APAF1: variants seen among roughly 807,000 people sequenced by gnomAD.
APAF1 encodes the protein apoptotic peptidase activating factor 1, also known as apoptotic protease-activating factor 1.
APAF1 carries 91 observed loss-of-function variants against 152.4 expected under a neutral mutation model. The observed-to-expected ratio is 0.60, with a 90% confidence interval of 0.50 to 0.71. APAF1 has a LOEUF of 0.71. Among genes scored for constraint, APAF1 ranks in the 30% least tolerant of loss-of-function variants. The pLI is 0.00. For synonymous variants in APAF1, 484 were observed against 494.1 expected (o/e 0.98, Z 0.27); for missense variants, 1,283 against 1,472.0 (o/e 0.87, Z 2.10).
At chr12:98,688,538 C>G (rs2097700499) in intron 16 of APAF1, among the ~76,000 whole-genome samples, 1 of 145,940 alleles carries the variant, frequency 6.9e-6, no homozygotes, top group Non-Finnish European at 1.5e-5. Flanking sequence ...GTGGTACCAT[C>G]ATGGCTCACT....
At chr12:98,694,345 T>C (rs1286575322) in intron 16 of APAF1, among the ~76,000 whole-genome samples, 1 of 152,146 alleles carries the variant, frequency 6.6e-6, no homozygotes, top group Non-Finnish European at 1.5e-5. Flanking sequence ...TACAGAATGG[T>C]GGCTTCTTTC....
At chr12:98,677,669 C>A in intron 13 of APAF1, 118 bp downstream of exon 13, 1 of 1,180,658 alleles carries the variant, frequency 8.5e-7, no homozygotes, top group Non-Finnish European at 1.2e-6. Context: ...CAGAGGAATC[C>A]AGCTCTCTTG....
chr12:98,649,434 A>G, intron 3 of APAF1, 53 bp from the exon 4 acceptor site: 1 of 1,578,102 alleles, frequency 6.3e-7, no homozygotes. Context: ...GTATTACTTC[A>G]GTAATTATTC....
At chr12:98,666,981 C>T (rs2097673701) in intron 9 of APAF1, among the ~76,000 whole-genome samples, 1 of 151,874 alleles carries the variant, frequency 6.6e-6, no homozygotes. Flanking sequence ...CCACTATTCC[C>T]AGACTCCTGG....
At chr12:98,662,886 G>A in intron 7 of APAF1, 80 bp downstream of exon 7, 3 of 1,414,806 alleles carry the variant, frequency 2.1e-6, no homozygotes, top group South Asian at 2.5e-5. Context: ...AATGAATATG[G>A]TAATTTAGCA....
chr12:98,692,168 C>T (rs943868739), intron 16 of APAF1, among the ~76,000 whole-genome samples: 20 of 152,082 alleles, frequency 1.3e-4, no homozygotes, highest in Admixed American at 1.1e-3. Flanking sequence ...CTGCAAGCTC[C>T]GCCTCCTGGG....
intron 25 of APAF1, chr12:98,726,482 G>T (rs760325358): frequency 1.0e-4 from 16 of 153,170 alleles, no homozygotes; most frequent in Non-Finnish European, 1.9e-4. Flanking sequence ...AAGACTAGGA[G>T]AGTATACAGT....
chr12:98,685,755 C>T (rs1350225611), intron 15 of APAF1, among the ~76,000 whole-genome samples: 1 of 152,166 alleles, frequency 6.6e-6, no homozygotes, highest in East Asian at 1.9e-4. Flanking sequence ...TATGCCTCAG[C>T]CTCCCAAGTA....
chr12:98,653,691 A>ATATAAATATAT lies in APAF1; in HGVS notation c.526+4007_526+4008insTATAAATATAT, dbSNP rs1429273147. 4.6e-4 allele frequency among the ~76,000 whole-genome samples: 7 copies of ATATAAATATAT among 15,102 alleles called. 1 individual carries two copies. In the Admixed American group the frequency reaches 4.8e-3, roughly 10 times the overall value. 9.9% of individuals were successfully genotyped at this position (15,102 alleles called of 152,430 possible). ...AAAAAAAAAAAAAAAAAAAAAAAAA[A>ATATAAATATAT]ATATATATATATATATATATATATA... On this transcript the variant is annotated intron_variant, in intron 4 of 26. Coordinates refer to ENST00000551964, the MANE Select transcript of APAF1 (RefSeq NM_181861.2).
chr12:98,727,012 C>A (rs1191369515), intron 25 of APAF1, among the ~76,000 whole-genome samples, 161 bp from the exon 26 acceptor site: 1 of 151,988 alleles, frequency 6.6e-6, no homozygotes, highest in Non-Finnish European at 1.5e-5. Context: ...TATTAAATGC[C>A]ACTGGAAATA....
intron 4 of APAF1, among the ~76,000 whole-genome samples, chr12:98,657,379 C>T (rs925236679): frequency 3.9e-5 from 6 of 152,206 alleles, no homozygotes; most frequent in African/African-American, 9.6e-5. Context: ...GAGTGAAAAC[C>T]GATTTTTTTC....
rs1180490017 is a variant in APAF1 at position 98,666,335 on chromosome 12, A to G, written c.1340A>G (p.Glu447Gly). 2 of 1,613,120 alleles carry G rather than the reference A, an allele frequency of 1.2e-6. No individual in the cohort carries two copies. The change falls in exon 9 of 27, where the codon GAG becomes GGG. Residue 447 changes from glutamate to glycine, a missense_variant. By Grantham distance (98) the Glu-to-Gly change is moderately conservative (BLOSUM62 -2). Coordinates refer to ENST00000551964, the MANE Select transcript of APAF1 (RefSeq NM_181861.2). The stretch of plus-strand genomic sequence containing the variant: ...GATCTTCAAGTAGATTTTCTTACAG[A>G]GAAGAATTGCAGCCAGCTTCAGGTA... ...LHDLQVDFLT[E>G]KNCSQLQDLH... is the part of the protein sequence containing the mutation.
At chr12:98,665,274 A>ATTTTT (rs1304241904) in intron 7 of APAF1, among the ~76,000 whole-genome samples, 3 of 107,510 alleles carry the variant, frequency 2.8e-5, no homozygotes, top group Admixed American at 9.2e-5. Context: ...ATATATATAT[A>ATTTTT]TATATTTTTT....
chr12:98,684,640 C>G (rs1593064705), intron 15 of APAF1, among the ~76,000 whole-genome samples: 1 of 151,712 alleles, frequency 6.6e-6, no homozygotes, highest in South Asian at 2.1e-4. Flanking sequence ...CTGGATTGGA[C>G]CAAAATTACA....
chr12:98,684,450 T>C (rs2153325679), intron 15 of APAF1, among the ~76,000 whole-genome samples: 1 of 148,236 alleles, frequency 6.7e-6, no homozygotes, highest in South Asian at 2.2e-4. Flanking sequence ...TGACCTTCCT[T>C]TCTCTCCTCC....
rs1440626068 is a variant in APAF1, at chr12:98,649,476, T to C, written c.329-11T>C. The C allele has an allele frequency of 6.2e-7, 1 of 1,613,880 alleles. No individual in the cohort carries two copies. The highest frequency in any genetic ancestry group is 8.5e-7 in the Non-Finnish European group (1 of 1,179,754). On this transcript the variant is annotated splice_polypyrimidine_tract_variant and intron_variant, in intron 3 of 26. Coordinates refer to ENST00000551964, the MANE Select transcript of APAF1 (RefSeq NM_181861.2). ...TCTATTCATTCATGCTTGTTTTGTT[T>C]TGGATTTTAGTAAGGACAGTCCTGT...
At chr12:98,688,476 T>C (rs1436740025) in intron 16 of APAF1, among the ~76,000 whole-genome samples, 1 of 148,928 alleles carries the variant, frequency 6.7e-6, no homozygotes, top group African/African-American at 2.5e-5. Context: ...CTTTCTTTTT[T>C]TTTTTTTTTT....
intron 15 of APAF1, among the ~76,000 whole-genome samples, chr12:98,685,199 T>G (rs1001321561): frequency 1.3e-5 from 2 of 152,234 alleles, no homozygotes; most frequent in Non-Finnish European, 2.9e-5. Context: ...CAGAGATGAC[T>G]ATAATCCCTT....
At chr12:98,694,066 G>A (rs1042455623) in intron 16 of APAF1, among the ~76,000 whole-genome samples, 5 of 152,046 alleles carry the variant, frequency 3.3e-5, no homozygotes, top group African/African-American at 1.2e-4. Context: ...GGGATAACTG[G>A]CTAGCCATAT....
Sources: allele counts gnomAD v4.1 joint callset (sites outside exome capture counted in the v4.1 genomes callset), GRCh38; gene constraint gnomAD v4.1.1; transcripts MANE v1.5; gene names NCBI Gene and HGNC (gene_info 2026-07-23, HGNC 2026-07-21).